NRG1: variants seen among roughly 807,000 people sequenced by gnomAD.
The protein encoded by NRG1 is pro-neuregulin-1, membrane-bound isoform.
NRG1 carries 18 observed loss-of-function variants against 63.8 expected under a neutral mutation model. That is an observed-to-expected ratio of 0.28 (90% CI 0.19 to 0.42). The LOEUF (loss-of-function observed/expected upper bound fraction) is 0.42, where lower values mean the gene tolerates loss of function less well. Among genes scored for constraint, NRG1 ranks in the 10% least tolerant of loss-of-function variants. NRG1 has a pLI of 1.00. For missense variants in NRG1, 762 were observed against 814.7 expected, an observed-to-expected ratio of 0.94 and a Z score of 0.79; for synonymous variants, 302 against 301.3, an observed-to-expected ratio of 1.00 and a Z score of -0.02.
chr8:32,565,109 T>C (rs1026147565), intron 1 of NRG1, among the ~76,000 whole-genome samples: 2 of 152,142 alleles, frequency 1.3e-5, no homozygotes, highest in African/African-American at 4.8e-5. Context: ...TTTGAAGTTA[T>C]GGCATTTAAC....
chr8:31,890,525 A>T (rs1011199255), intron 1 of NRG1, among the ~76,000 whole-genome samples: 2 of 152,206 alleles, frequency 1.3e-5, no homozygotes, highest in Admixed American at 1.3e-4. Context: ...AACCAGAGGG[A>T]AAAAGCACAA....
At chr8:32,763,529 A>C (rs1831089707) in intron 11 of NRG1, among the ~76,000 whole-genome samples, 1 of 152,188 alleles carries the variant, frequency 6.6e-6, no homozygotes, top group African/African-American at 2.4e-5. Flanking sequence ...TAGGCAATTT[A>C]GCTGATCTTT....
chr8:32,215,110 A>AAT (rs1045866175), intron 1 of NRG1, among the ~76,000 whole-genome samples: 8 of 152,230 alleles, frequency 5.3e-5, no homozygotes, highest in Non-Finnish European at 1.2e-4. Context: ...TACTTATACT[A>AAT]ATATATATAC....
chr8:32,600,325 G>GACACACAC lies in NRG1; in HGVS notation c.278+4342_278+4349dup, dbSNP rs5890665. Among the ~76,000 whole-genome samples the GACACACAC allele has an allele frequency of 9.0e-4, 134 of 149,572 alleles. No individual in the cohort carries two copies. In the Middle Eastern group the frequency reaches 0.017, roughly 19 times the overall value. On this transcript the variant is annotated intron_variant, in intron 2 of 11. Coordinates refer to ENST00000356819, the Ensembl canonical transcript of NRG1. ...TTTTACACTATCTGAAGCAGTGTTG[G>GACACACAC]ACACACACACACACACACACACACA...
intron 1 of NRG1, among the ~76,000 whole-genome samples, chr8:32,103,324 A>G (rs73241677): frequency 6.6e-6 from 1 of 152,204 alleles, no homozygotes; most frequent in Non-Finnish European, 1.5e-5. Context: ...ACTTAACATG[A>G]TGACCACAGT....
At chr8:32,166,051 A>G (rs1310331036) in intron 1 of NRG1, among the ~76,000 whole-genome samples, 6 of 152,172 alleles carry the variant, frequency 3.9e-5, no homozygotes, top group African/African-American at 1.4e-4. Context: ...CATTTTTATT[A>G]AGACATTTAC....
At chr8:31,857,394 C>A (rs1456726599) in intron 1 of NRG1, among the ~76,000 whole-genome samples, 2 of 152,234 alleles carry the variant, frequency 1.3e-5, no homozygotes, top group African/African-American at 4.8e-5. Context: ...GTCTGTCACC[C>A]CTTTCTTTGA....
intron 1 of NRG1, among the ~76,000 whole-genome samples, chr8:32,109,686 A>G (rs1237515650): frequency 6.6e-6 from 1 of 152,124 alleles, no homozygotes; most frequent in Non-Finnish European, 1.5e-5. Context: ...AAGCTTTCTC[A>G]TCAACACCAA....
At chr8:32,643,894 G>T (rs1852926697) in intron 5 of NRG1, among the ~76,000 whole-genome samples, 3 of 151,952 alleles carry the variant, frequency 2.0e-5, no homozygotes, top group Admixed American at 6.6e-5. Context: ...ACATATTCTG[G>T]TTCTCATAGT....
At chr8:31,742,117 C>T (rs1274223655) in intron 1 of NRG1, among the ~76,000 whole-genome samples, 1 of 151,866 alleles carries the variant, frequency 6.6e-6, no homozygotes, top group African/African-American at 2.4e-5. Flanking sequence ...AGAAATTATT[C>T]CATTTCTGTA....
intron 1 of NRG1, among the ~76,000 whole-genome samples, chr8:32,076,119 T>G (rs1459528729): frequency 2.0e-5 from 3 of 152,226 alleles, no homozygotes; most frequent in African/African-American, 7.2e-5. Context: ...CCTAAATGCC[T>G]TAGGTACTTC....
intron 1 of NRG1, among the ~76,000 whole-genome samples, chr8:32,048,563 T>C (rs1821465761): frequency 6.6e-6 from 1 of 150,786 alleles, no homozygotes; most frequent in Non-Finnish European, 1.5e-5. Flanking sequence ...CCATAATGGT[T>C]ACACTAATTT....
chr8:32,530,191 T>G (rs1831304612), intron 1 of NRG1, among the ~76,000 whole-genome samples: 1 of 151,926 alleles, frequency 6.6e-6, no homozygotes, highest in Non-Finnish European at 1.5e-5. Context: ...CACTGCAAGG[T>G]CCGCCTCCCG....
chr8:32,142,376 T>C (rs1836383056), intron 1 of NRG1, among the ~76,000 whole-genome samples: 1 of 152,222 alleles, frequency 6.6e-6, no homozygotes, highest in African/African-American at 2.4e-5. Flanking sequence ...ATTTTTAGAC[T>C]TCCTATGCTA....
intron 1 of NRG1, among the ~76,000 whole-genome samples, chr8:32,290,571 G>A (rs1378387109): frequency 1.3e-5 from 2 of 151,970 alleles, no homozygotes; most frequent in African/African-American, 4.8e-5. Flanking sequence ...GGGTTCTAAC[G>A]AATGACCCTA....
chr8:31,706,746 C>T (rs1054695614), intron 1 of NRG1, among the ~76,000 whole-genome samples: 4 of 152,242 alleles, frequency 2.6e-5, no homozygotes, highest in African/African-American at 9.6e-5. Context: ...GTGATAAATA[C>T]AAAATAATAC....
chr8:32,388,928 G>A (rs1811367778), intron 1 of NRG1, among the ~76,000 whole-genome samples: 1 of 152,084 alleles, frequency 6.6e-6, no homozygotes, highest in African/African-American at 2.4e-5. Context: ...GAAATTTAGG[G>A]GCATCCTTTT....
chr8:32,194,034 T>C (rs910654953), intron 1 of NRG1, among the ~76,000 whole-genome samples: 2 of 152,214 alleles, frequency 1.3e-5, no homozygotes, highest in Non-Finnish European at 2.9e-5. Flanking sequence ...CATGGGACTT[T>C]GTTATGACAG....
chr8:32,540,886 T>G (rs1474106928), intron 1 of NRG1, among the ~76,000 whole-genome samples: 1 of 143,302 alleles, frequency 7.0e-6, no homozygotes, highest in Non-Finnish European at 1.6e-5. Flanking sequence ...GAATGTAATC[T>G]TCTGCATGGT....
Sources: gnomAD v4.1 joint callset for allele counts (sites outside exome capture counted in the v4.1 genomes callset) on GRCh38, gnomAD v4.1.1 for gene constraint, MANE v1.5 for transcripts, NCBI Gene and HGNC (gene_info 2026-07-23, HGNC 2026-07-21) for gene names.